Variants in KIAA1671 observed in about 807,000 individuals in gnomAD.
KIAA1671 encodes the protein uncharacterized protein KIAA1671.
In KIAA1671, 52 loss-of-function variants were observed where a neutral mutation model predicts 131.2. The ratio of observed to expected loss-of-function variants is 0.40; its 90% CI spans 0.32 to 0.50. The LOEUF (loss-of-function observed/expected upper bound fraction) is 0.50. Among genes scored for constraint, KIAA1671 ranks in the 20% least tolerant of loss-of-function variants. The probability of loss-of-function intolerance (pLI) is 0.73; values close to 1 mark genes in which losing one functional copy is unlikely to be tolerated. For synonymous variants in KIAA1671, 1,003 were observed against 961.6 expected, an observed-to-expected ratio of 1.04 and a Z score of -0.80; for missense variants, 2,360 against 2,364.2, an observed-to-expected ratio of 1.00 and a Z score of 0.04.
intron 6 of KIAA1671, among the ~76,000 whole-genome samples, chr22:25,065,681 C>T (rs1928436126): frequency 6.6e-6 from 1 of 151,510 alleles, no homozygotes; most frequent in Non-Finnish European, 1.5e-5. Context: ...CGCTCGTCGC[C>T]CAGGCTGGAG....
chr22:24,988,517 G>C (rs1009538805), intron 1 of KIAA1671, among the ~76,000 whole-genome samples: 1 of 151,786 alleles, frequency 6.6e-6, no homozygotes, highest in Admixed American at 6.6e-5. Flanking sequence ...GAGGTGGATG[G>C]ATCACTTGAG....
chr22:25,018,934 G>C (rs1925495383), intron 1 of KIAA1671, among the ~76,000 whole-genome samples: 1 of 152,072 alleles, frequency 6.6e-6, no homozygotes, highest in Non-Finnish European at 1.5e-5. Context: ...AAGATTCTGT[G>C]TTTAATTTTT....
At chr22:25,096,494 CCT>C (rs1384885359) in intron 6 of KIAA1671, among the ~76,000 whole-genome samples, 5 of 152,178 alleles carry the variant, frequency 3.3e-5, no homozygotes, top group Non-Finnish European at 7.3e-5. Context: ...ATCTTCCCTC[CCT>C]GTTGCCCGTC....
intron 6 of KIAA1671, chr22:25,059,078 C>T (rs1296644117): frequency 6.6e-6 from 1 of 152,232 alleles, no homozygotes; most frequent in Non-Finnish European, 1.5e-5. Flanking sequence ...CTTCTTATCC[C>T]TCCCCCACCA....
chr22:25,117,029 A>G lies in KIAA1671; in HGVS notation c.4531-53791A>G, dbSNP rs532805682. ...TAAGGGGTAGAGTCTGTGCATTGTA[A>G]GCTTATCCCTGGTTCCTACCCACTA... On this transcript the variant is annotated intron_variant, in intron 6 of 12. Coordinates refer to ENST00000358431, the MANE Select transcript of KIAA1671 (RefSeq NM_001145206.2). Among the ~76,000 whole-genome samples the G allele has an allele frequency of 9.2e-5, 14 of 152,246 alleles. 1 individual carries two copies. The South Asian group carries it at 2.9e-3, about 32-fold the overall frequency.
At chr22:25,174,145 C>T (rs1933941055) in intron 7 of KIAA1671, 95 bp from the exon 8 acceptor site, 3 of 1,353,460 alleles carry the variant, frequency 2.2e-6, no homozygotes, top group East Asian at 5.0e-5. Flanking sequence ...TAAAACATAA[C>T]CCAAGCTATG....
chr22:25,135,865 C>T (rs1177752727), intron 6 of KIAA1671, among the ~76,000 whole-genome samples: 1 of 152,228 alleles, frequency 6.6e-6, no homozygotes, highest in African/African-American at 2.4e-5. Flanking sequence ...GAGCGCTTAC[C>T]ATGTGCCCAG....
At chr22:25,175,489 A>C (rs1337036882) in intron 8 of KIAA1671, 1 of 152,168 alleles carries the variant, frequency 6.6e-6, no homozygotes, top group Non-Finnish European at 1.5e-5. Context: ...AGAAAGACAC[A>C]AGTTGAGTCT....
chr22:25,090,692 C>G (rs1170890674), intron 6 of KIAA1671, among the ~76,000 whole-genome samples: 4 of 152,238 alleles, frequency 2.6e-5, no homozygotes, highest in Non-Finnish European at 4.4e-5. Flanking sequence ...TTTCTGTCAT[C>G]TCATTGGGTA....
At chr22:25,003,743 C>T (rs1924595650) in intron 1 of KIAA1671, among the ~76,000 whole-genome samples, 1 of 151,558 alleles carries the variant, frequency 6.6e-6, no homozygotes, top group African/African-American at 2.4e-5. Flanking sequence ...AACATTTTCA[C>T]ATGTGTTTCT....
rs544219946 is a variant in KIAA1671, at chr22:25,197,207, T to C, written c.*4806T>C. 2.6e-5 allele frequency: 4 copies of C among 152,120 alleles called. No homozygotes were observed. Among genetic ancestry groups the C allele is most frequent in the African/African-American group, 9.7e-5 (4 of 41,420 alleles). The allele number at this position is 152,120 out of a possible 1,614,324, so 9.4% of individuals were successfully genotyped here. A position where few individuals can be genotyped will look rare whatever the true frequency, so the allele number is the denominator to read the frequency against. ...AATCTCTAACCGTGTGACTGAGAAG[T>C]CATCTAGAAAAACTTATATTTTTAA... On this transcript the variant is annotated 3_prime_UTR_variant, in exon 13 of 13. Transcript: ENST00000358431.
At chr22:25,005,290 G>A (rs1825608594) in intron 1 of KIAA1671, among the ~76,000 whole-genome samples, 1 of 149,776 alleles carries the variant, frequency 6.7e-6, no homozygotes, top group African/African-American at 2.5e-5. Flanking sequence ...GGAGGTTGCA[G>A]TGAGCCAAGA....
chr22:25,169,388 C>T (rs1360176722), intron 6 of KIAA1671, among the ~76,000 whole-genome samples: 2 of 143,484 alleles, frequency 1.4e-5, no homozygotes, highest in Non-Finnish European at 3.0e-5. Flanking sequence ...CACTGTACTC[C>T]AGCCTAGGTG....
At chr22:25,146,457 C>A (rs1021856418) in intron 6 of KIAA1671, among the ~76,000 whole-genome samples, 1 of 152,206 alleles carries the variant, frequency 6.6e-6, no homozygotes, top group African/African-American at 2.4e-5. Flanking sequence ...TGTTATTTAT[C>A]ATGAAAACAT....
At chr22:25,171,407 AAAAC>A (rs1158182654) in intron 7 of KIAA1671, among the ~76,000 whole-genome samples, 2 of 151,780 alleles carry the variant, frequency 1.3e-5, no homozygotes, top group African/African-American at 2.4e-5. Context: ...CCGTCTCAAA[AAAAC>A]AAACAAAAAA....
chr22:25,130,799 GA>G lies in KIAA1671; in HGVS notation c.4531-40018del, dbSNP rs942197168. ...GCCCTCGAAGCCTGTCCCTCCTGGGGAAATAGCACAGCTTAGAGGCTTAGAG... is the reference window on the plus strand; with the variant it reads ...GCCCTCGAAGCCTGTCCCTCCTGGGGAATAGCACAGCTTAGAGGCTTAGAG... On this transcript the variant is annotated intron_variant, in intron 6 of 12. Coordinates refer to ENST00000358431, the MANE Select transcript of KIAA1671 (RefSeq NM_001145206.2). Among the ~76,000 whole-genome samples the G allele has an allele frequency of 5.3e-4, 81 of 152,136 alleles. 1 individual carries two copies. Among genetic ancestry groups the G allele is most frequent in the African/African-American group, 1.8e-3 (73 of 41,420 alleles).
rs1234616496 is a variant in KIAA1671, at chr22:25,190,795, G to T, written c.*4+11G>T. On this transcript the variant is annotated intron_variant, in intron 12 of 12. Transcript: ENST00000358431. ...ACCAAGTTTGACCAGGTATGAAGGG[G>T]CTCTGTTGGGGAACCTGGGAAGAGC... The T allele has an allele frequency of 2.0e-6, 3 of 1,535,842 alleles. No individual in the cohort carries two copies. Among genetic ancestry groups the T allele is most frequent in the African/African-American group, 2.7e-5 (2 of 72,768 alleles).
At chr22:25,157,233 A>G (rs1246477789) in intron 6 of KIAA1671, among the ~76,000 whole-genome samples, 2 of 152,234 alleles carry the variant, frequency 1.3e-5, no homozygotes, top group Non-Finnish European at 2.9e-5. Context: ...AGAATAAAAA[A>G]AAGTCATCTC....
intron 10 of KIAA1671, 50 bp from the exon 11 acceptor site, chr22:25,184,927 C>T (rs1400259857): frequency 6.5e-7 from 1 of 1,548,980 alleles, no homozygotes; most frequent in South Asian, 1.2e-5. Context: ...GGAGGGGGCC[C>T]TTCCCCAGAC....
Sources: allele counts gnomAD v4.1 joint callset (sites outside exome capture counted in the v4.1 genomes callset), GRCh38; gene constraint gnomAD v4.1.1; transcripts MANE v1.5; gene names NCBI Gene and HGNC (gene_info 2026-07-23, HGNC 2026-07-21).